TSPAN6: variants seen among roughly 807,000 people sequenced by gnomAD.
TSPAN6 encodes the protein tetraspanin-6.
Under a neutral mutation model 18.0 loss-of-function variants are expected in TSPAN6, and 13 were observed. The ratio of observed to expected loss-of-function variants is 0.72; its 90% CI spans 0.47 to 1.15. TSPAN6 has a LOEUF of 1.15. TSPAN6 is among the 50% of genes most tolerant of loss of function. TSPAN6 has a pLI of 0.00. For missense variants in TSPAN6, 186 were observed against 183.9 expected (o/e 1.01, Z -0.07); for synonymous variants, 82 against 67.0 (o/e 1.22, Z -1.09).
At chrX:100,632,250 C>CA (rs1451187368) in intron 6 of TSPAN6, among the ~76,000 whole-genome samples, 1 of 110,644 alleles carries the variant, frequency 9.0e-6, no homozygotes, top group African/African-American at 3.3e-5. Context: ...ACTAAAAATA[C>CA]AAAAAAATTA....
At chrX:100,632,087 G>C in intron 6 of TSPAN6, 1 of 144,235 alleles carries the variant, frequency 6.9e-6, no homozygotes, top group Non-Finnish European at 1.3e-5. Context: ...CCAGTCCCCT[G>C]AAGCAAAAAC....
intron 6 of TSPAN6, 138 bp downstream of exon 6, chrX:100,632,347 C>T (rs1451388630): frequency 4.2e-6 from 2 of 480,264 alleles, no homozygotes; most frequent in Admixed American, 3.8e-5. Flanking sequence ...GTGGAGGTTG[C>T]AGGGAGCTGA....
In TSPAN6 at chrX:100,633,519, G is replaced by A. The variant is rs920503651; in HGVS notation, c.471C>T (p.Thr157=). 1.4e-5 allele frequency: 17 copies of A among 1,196,854 alleles called. No individual in the cohort carries two copies. The highest frequency in any genetic ancestry group is 1.8e-5 in the Non-Finnish European group (16 of 890,543). Residue 157 remains threonine, a synonymous_variant, in exon 5 of 8, where the codon ACC becomes ACT. Transcript: ENST00000373020. ...TAGTATCTGTCCAATCTCTATAATCGGTGACACCACAACAATGCAACTGAA... is the reference window on the plus strand; with the variant it reads ...TAGTATCTGTCCAATCTCTATAATCAGTGACACCACAACAATGCAACTGAA... ...IQNTLHCCGV[T]DYRDWTDTNY...
chrX:100,635,455 G>A, intron 2 of TSPAN6, 103 bp downstream of exon 2: 1 of 832,644 alleles, frequency 1.2e-6, no homozygotes, highest in Non-Finnish European at 1.7e-6. Context: ...ATAAGGAACA[G>A]GAAAAATTGT....
In TSPAN6 at chrX:100,636,339, C is replaced by T; in HGVS notation, c.87+269G>A. ...TCTGGGGGCTTAAGGCCCCACCTCG[C>T]CTCCCGTATCGAACTCGAACGCTGG... On this transcript the variant is annotated intron_variant, in intron 1 of 7. Transcript: ENST00000373020. 3 of 933,379 alleles carry T rather than the reference C, an allele frequency of 3.2e-6. 1 individual carries two copies. Among genetic ancestry groups the T allele is most frequent in the Non-Finnish European group, 4.0e-6 (3 of 753,366 alleles). The allele number at this position is 933,379 out of a possible 1,213,427, so 76.9% of individuals were successfully genotyped here.
rs1391523749 is a variant in TSPAN6 at position 100,636,515 on chromosome X, G to T, written c.87+93C>A. The T allele has an allele frequency of 2.8e-6, 3 of 1,079,574 alleles. No homozygotes were observed. The Admixed American group carries it at 1.0e-4, about 37-fold the overall frequency. The allele number at this position is 1,079,574 out of a possible 1,213,427, so 89.0% of individuals were successfully genotyped here. A position where few individuals can be genotyped will look rare whatever the true frequency, so the allele number is the denominator to read the frequency against. Reference sequence around the variant, plus strand: ...GCGATGGCCGCCCAAACCCCACACCGTTCCCGACCTGAGCTCCCGCCGCTC... The same window carrying T: ...GCGATGGCCGCCCAAACCCCACACCTTTCCCGACCTGAGCTCCCGCCGCTC... On this transcript the variant is annotated intron_variant, in intron 1 of 7. Coordinates refer to ENST00000373020, the MANE Select transcript of TSPAN6 (RefSeq NM_003270.4).
At chrX:100,630,232 G>T (rs946783026) in intron 7 of TSPAN6, among the ~76,000 whole-genome samples, 4 of 111,741 alleles carry the variant, frequency 3.6e-5, no homozygotes, top group African/African-American at 6.5e-5. Context: ...TTCCTTATTA[G>T]ACCAGATGAG....
chrX:100,632,420 G>T, intron 6 of TSPAN6, 65 bp downstream of exon 6: 1 of 887,013 alleles, frequency 1.1e-6, no homozygotes, highest in Non-Finnish European at 1.6e-6. Context: ...AAAAAAAAGT[G>T]AAAATCTTCT....
chrX:100,634,584 C>A (rs886781509), intron 3 of TSPAN6, among the ~76,000 whole-genome samples: 2 of 110,625 alleles, frequency 1.8e-5, no homozygotes, highest in African/African-American at 6.6e-5. Context: ...CTCCATCTCC[C>A]GGGTTCATGC....
chrX:100,635,550 G>C lies in TSPAN6; in HGVS notation c.276+8C>G. 1 of 1,169,574 alleles carries C rather than the reference G, an allele frequency of 8.6e-7. No individual in the cohort carries two copies. On this transcript the variant is annotated splice_region_variant and intron_variant, in intron 2 of 7. Transcript: ENST00000373020. ...CAAGAATCAATTCTAATGAAAACAA[G>C]GACTCACCAGTTTTAGCATCCATGC...
chrX:100,631,148 A>C (rs1351271427), intron 6 of TSPAN6, among the ~76,000 whole-genome samples: 1 of 111,770 alleles, frequency 8.9e-6, no homozygotes, highest in Non-Finnish European at 1.9e-5. Flanking sequence ...TCTTACTCTC[A>C]TTTCCCAGAA....
At chrX:100,636,431 G>C in intron 1 of TSPAN6, 177 bp downstream of exon 1, 1 of 1,002,011 alleles carries the variant, frequency 1.0e-6, no homozygotes, top group Non-Finnish European at 1.3e-6. Flanking sequence ...GCGCCGGCGA[G>C]ATGCCTGAGC....
At chrX:100,637,087 TC>T (rs1259678412), upstream of TSPAN6, 1 of 100,196 alleles carries the variant, frequency 1.0e-5, no homozygotes, top group Non-Finnish European at 2.0e-5. Context: ...AGATTGGGCC[TC>T]CCTGGCCCCT....
In TSPAN6 at chrX:100,636,710, C is replaced by G. The variant is rs1341661446; in HGVS notation, c.-16G>C. 1 of 1,190,295 alleles carries G rather than the reference C, an allele frequency of 8.4e-7. No individual in the cohort carries two copies. Among genetic ancestry groups the G allele is most frequent in the Non-Finnish European group, 1.1e-6 (1 of 885,744 alleles). ...GGGACGCCATGACTAGCCCGAGACC[C>G]TGCACCACCGCACCGGGCGATTGGA... On this transcript the variant is annotated 5_prime_UTR_variant, in exon 1 of 8. Transcript: ENST00000373020.
intron 1 of TSPAN6, 141 bp from the exon 2 acceptor site, chrX:100,635,887 AG>A (rs199701211): frequency 2.1e-5 from 9 of 432,656 alleles, no homozygotes; most frequent in African/African-American, 5.2e-5. Flanking sequence ...AGAAGGGGTT[AG>A]GGGGGGATCT....
At chrX:100,632,040 T>C in intron 6 of TSPAN6, 1 of 133,643 alleles carries the variant, frequency 7.5e-6, no homozygotes. Context: ...CTGAGAGTTT[T>C]GTGAAAATGC....
chrX:100,635,042 C>G (rs1296538801), intron 3 of TSPAN6, 136 bp downstream of exon 3: 1 of 447,831 alleles, frequency 2.2e-6, no homozygotes, highest in Admixed American at 4.5e-5. Context: ...AGAAGTGGAC[C>G]AGAATTTTTA....
rs766644945 is a variant in TSPAN6 at position 100,635,655 on chromosome X, A to G, written c.179T>C (p.Val60Ala). Residue 60 changes from valine (V) to alanine (A), a missense_variant, in exon 2 of 8, where the codon GTC becomes GCC. By Grantham distance (64) the Val-to-Ala change is moderately conservative. Coordinates refer to ENST00000373020, the MANE Select transcript of TSPAN6 (RefSeq NM_003270.4). ...FSLLNEKATNVPFVLIATGTV... is the reference protein window; with the variant it reads ...FSLLNEKATNAPFVLIATGTV... ...ACCAGTAGCAATGAGCACGAAGGGG[A>G]CATTGGTGGCCTTCTCATTTAAAAG... 1 of 1,199,879 alleles carries G rather than the reference A, an allele frequency of 8.3e-7. No homozygotes were observed. Among genetic ancestry groups the G allele is most frequent in the Non-Finnish European group, 1.1e-6 (1 of 888,015 alleles).
Position 100,634,004 on chromosome X carries a change from T to C in TSPAN6, c.377A>G (p.Tyr126Cys), listed in dbSNP as rs1443094154. The C allele has an allele frequency of 1.7e-6, 2 of 1,189,545 alleles. No homozygotes were observed. Among genetic ancestry groups the C allele is most frequent in the Non-Finnish European group, 2.3e-6 (2 of 877,560 alleles). Reference protein sequence around the residue: ...HEIKNSFKNNYEKALKQYNST... With the variant: ...HEIKNSFKNNCEKALKQYNST... ...GTTATACTGCTTCAAAGCCTTCTCA[T>C]AATTATTCTTAAAGCTGTTCTTAAT... Residue 126 changes from tyrosine (Y) to cysteine (C), a missense_variant, in exon 4 of 8, where the codon TAT (tyrosine) becomes TGT (cysteine). By Grantham distance (194) the Tyr-to-Cys change is radical. Transcript: ENST00000373020.
Sources: gnomAD v4.1 joint callset for allele counts (sites outside exome capture counted in the v4.1 genomes callset) on GRCh38, gnomAD v4.1.1 for gene constraint, MANE v1.5 for transcripts, NCBI Gene and HGNC (gene_info 2026-07-23, HGNC 2026-07-21) for gene names.